Variants in SEC24C observed in about 807,000 individuals in gnomAD.
SEC24C encodes protein transport protein Sec24C.
A neutral mutation model predicts 117.0 loss-of-function variants in SEC24C; 22 were observed. The ratio of observed to expected loss-of-function variants is 0.19; its 90% CI spans 0.13 to 0.27. The LOEUF is 0.27. SEC24C is among the 10% of genes least tolerant of loss of function. SEC24C has a pLI of 1.00. For missense variants in SEC24C, 1,155 were observed against 1,375.1 expected, an observed-to-expected ratio of 0.84 and a Z score of 2.53; for synonymous variants, 506 against 529.4, an observed-to-expected ratio of 0.96 and a Z score of 0.61.
chr10:73,750,382 A>G (rs1177493571), intron 2 of SEC24C, among the ~76,000 whole-genome samples: 3 of 152,220 alleles, frequency 2.0e-5, no homozygotes, highest in Non-Finnish European at 4.4e-5. Context: ...CCTGAACTTC[A>G]TATGTGAAGA....
At chr10:73,753,583 C>T (rs570168667) in intron 3 of SEC24C, among the ~76,000 whole-genome samples, 23 of 152,238 alleles carry the variant, frequency 1.5e-4, no homozygotes, top group South Asian at 1.2e-3. Context: ...GTGGAGGTAT[C>T]GTTTGGGCCC....
At chr10:73,763,186 G>A (rs370658984) in intron 6 of SEC24C, among the ~76,000 whole-genome samples, 68 of 152,210 alleles carry the variant, frequency 4.5e-4, no homozygotes, top group African/African-American at 1.4e-3. Flanking sequence ...GCTTTTCCTG[G>A]AATGGGAGGA....
chr10:73,755,393 T>G (rs2082695028), intron 3 of SEC24C, among the ~76,000 whole-genome samples: 1 of 151,938 alleles, frequency 6.6e-6, no homozygotes. Context: ...AGTCAGAGTT[T>G]CAGGCCAGGC....
intron 20 of SEC24C, 60 bp downstream of exon 20, chr10:73,770,075 GAAAGGA>G: frequency 6.7e-7 from 1 of 1,498,958 alleles, no homozygotes; most frequent in South Asian, 1.2e-5. Flanking sequence ...TTAGGAGGAG[GAAAGGA>G]TAGGCTAGTA....
chr10:73,755,143 A>C (rs2082692338), intron 3 of SEC24C, among the ~76,000 whole-genome samples: 1 of 152,082 alleles, frequency 6.6e-6, no homozygotes, highest in South Asian at 2.1e-4. Context: ...AAACAAACAA[A>C]AAAAAAACAA....
intron 8 of SEC24C, 98 bp from the exon 9 acceptor site, chr10:73,765,353 C>T (rs767405863): frequency 1.6e-5 from 21 of 1,345,274 alleles, no homozygotes; most frequent in African/African-American, 1.0e-4. Context: ...AGAATATCTG[C>T]GCCATGCGCC....
In SEC24C at chr10:73,765,500, A is replaced by G. The variant is rs1448924275; in HGVS notation, c.1277A>G (p.Asn426Ser). Reference sequence around the variant, plus strand: ...GGGGAATCTGGCCCTTTGCGCTGCAACCGCTGCAAAGCATACATGTGTCCC... The same window carrying G: ...GGGGAATCTGGCCCTTTGCGCTGCAGCCGCTGCAAAGCATACATGTGTCCC... Reference protein sequence around the residue: ...DHGESGPLRCNRCKAYMCPFM... With the variant: ...DHGESGPLRCSRCKAYMCPFM... The change falls in exon 9 of 23, where the codon AAC (asparagine) becomes AGC (serine). Residue 426 changes from asparagine (N) to serine (S), a missense_variant. Around this residue, in one of 2 missense-constraint regions of SEC24C, gnomAD observed 759 missense variants for 992.3 expected, o/e 0.76. Coordinates refer to ENST00000345254, the MANE Select transcript of SEC24C (RefSeq NM_198597.3). 2 of 1,613,940 alleles carry G rather than the reference A, an allele frequency of 1.2e-6. No individual in the cohort carries two copies. Among genetic ancestry groups the G allele is most frequent in the Non-Finnish European group, 1.7e-6 (2 of 1,179,916 alleles).
chr10:73,764,933 A>G (rs930645803), intron 8 of SEC24C, among the ~76,000 whole-genome samples: 3 of 152,172 alleles, frequency 2.0e-5, no homozygotes, highest in Admixed American at 6.5e-5. Context: ...GTCTATTTCT[A>G]TCTGGGTCCC....
chr10:73,768,695 C>T (rs1055130840), intron 15 of SEC24C, 115 bp from the exon 16 acceptor site: 26 of 881,502 alleles, frequency 2.9e-5, no homozygotes, highest in Middle Eastern at 3.3e-4. Context: ...ATCATCCTCA[C>T]TGTTATGATG....
intron 9 of SEC24C, 60 bp downstream of exon 9, chr10:73,765,649 A>C: frequency 6.3e-7 from 1 of 1,599,434 alleles, no homozygotes; most frequent in Non-Finnish European, 8.6e-7. Context: ...CTTGTTCTCT[A>C]TTAAATAGTT....
chr10:73,765,387 C>A, intron 8 of SEC24C, 64 bp from the exon 9 acceptor site: 1 of 1,569,866 alleles, frequency 6.4e-7, no homozygotes, highest in Non-Finnish European at 8.7e-7. Context: ...TGTTCTTCCT[C>A]ATCTCCTGGC....
intron 20 of SEC24C, 108 bp downstream of exon 20, chr10:73,770,123 G>GT (rs2082951448): frequency 7.8e-7 from 1 of 1,276,766 alleles, no homozygotes; most frequent in Admixed American, 2.1e-5. Flanking sequence ...TTGTTTTTAT[G>GT]TATTTTAGCT....
At chr10:73,761,797 C>G (rs1449697606) in intron 6 of SEC24C, among the ~76,000 whole-genome samples, 1 of 152,086 alleles carries the variant, frequency 6.6e-6, no homozygotes, top group Non-Finnish European at 1.5e-5. Flanking sequence ...GAACACTCCT[C>G]TTCTTCTTCC....
At chr10:73,765,976 CTGT>C in intron 10 of SEC24C, 61 bp downstream of exon 10, 1 of 1,580,376 alleles carries the variant, frequency 6.3e-7, no homozygotes, top group Non-Finnish European at 8.7e-7. Context: ...CTGAGAATGG[CTGT>C]TATCATTTCC....
rs1248537924 is a variant in SEC24C, at chr10:73,769,684, TC to T, written c.2635del (p.Leu879TrpfsTer17). The T allele has an allele frequency of 6.2e-7, 1 of 1,614,090 alleles. No individual in the cohort carries two copies. The highest frequency in any genetic ancestry group is 1.3e-5 in the African/African-American group (1 of 74,928). On this transcript the variant is annotated frameshift_variant, in exon 19 of 23. Coordinates refer to ENST00000345254, the MANE Select transcript of SEC24C (RefSeq NM_198597.3). LOFTEE classifies it high-confidence loss of function. This position sits in a 1 kb window ranked among gnomAD's most constrained non-coding sequence, Gnocchi z 4.5. The part of the protein sequence containing the change: ...RDTLITQCAQ[I>X]LACYRKNCAS... ...ACGCTCATCACCCAGTGTGCCCAGATCCTGGCCTGTTACAGAAAGAACTGTG... is the reference window on the plus strand; with the variant it reads ...ACGCTCATCACCCAGTGTGCCCAGATCTGGCCTGTTACAGAAAGAACTGTG...
At chr10:73,766,923 A>C in intron 13 of SEC24C, 70 bp downstream of exon 13, 2 of 1,464,682 alleles carry the variant, frequency 1.4e-6, no homozygotes, top group Non-Finnish European at 1.9e-6. Context: ...CCTGGGATAC[A>C]ACCTCTCTTT....
intron 1 of SEC24C, among the ~76,000 whole-genome samples, chr10:73,746,140 C>T (rs1565032126): frequency 8.4e-6 from 1 of 118,812 alleles, no homozygotes; most frequent in African/African-American, 3.4e-5. Flanking sequence ...AGCCTGGCAA[C>T]AGAGTGAGAC....
At chr10:73,762,967 A>G (rs575002334) in intron 6 of SEC24C, among the ~76,000 whole-genome samples, 2 of 152,076 alleles carry the variant, frequency 1.3e-5, no homozygotes, top group South Asian at 4.1e-4. Flanking sequence ...TTACTTGATC[A>G]TTTCTGGCTG....
chr10:73,770,568 C>A, intron 21 of SEC24C, 97 bp downstream of exon 21: 1 of 1,516,688 alleles, frequency 6.6e-7, no homozygotes, highest in Non-Finnish European at 9.2e-7. Flanking sequence ...CCTCAAATAT[C>A]AGGGAACACT....
Sources: allele counts gnomAD v4.1 joint callset (sites outside exome capture counted in the v4.1 genomes callset), GRCh38; gene constraint gnomAD v4.1.1; regional missense constraint gnomAD v4.1.1; non-coding constraint Gnocchi (gnomAD v3.1); transcripts MANE v1.5; gene names NCBI Gene and HGNC (gene_info 2026-07-23, HGNC 2026-07-21).